Variants in SAMMSON observed in about 807,000 individuals in gnomAD.
SAMMSON encodes survival associated mitochondrial melanoma specific oncogenic non-coding RNA.
At chr3:70,418,380 G>T (rs1200240080) in intron 2 of SAMMSON, among the ~76,000 whole-genome samples, 1 of 152,068 alleles carries the variant, frequency 6.6e-6, no homozygotes, top group Non-Finnish European at 1.5e-5. Context: ...TTTTCCTAGG[G>T]TGGTCAGGTA....
At chr3:70,022,983 TA>T in intron 3 of SAMMSON, among the ~76,000 whole-genome samples, 1 of 152,330 alleles carries the variant, frequency 6.6e-6, no homozygotes, top group African/African-American at 2.4e-5. Context: ...AGACAATGGT[TA>T]GAAGAATTGG....
At chr3:70,376,292 A>G (rs1458349657) in intron 9 of SAMMSON, among the ~76,000 whole-genome samples, 2 of 152,214 alleles carry the variant, frequency 1.3e-5, no homozygotes, top group Non-Finnish European at 2.9e-5. Context: ...TCCTTCAACT[A>G]GTTGGTGATT....
At chr3:70,052,123 AAGAG>A (rs906712073) in intron 3 of SAMMSON, among the ~76,000 whole-genome samples, 21 of 152,224 alleles carry the variant, frequency 1.4e-4, no homozygotes, top group African/African-American at 4.1e-4. Context: ...AATAATAAAA[AAGAG>A]AGAGAATTTA....
intron 7 of SAMMSON, among the ~76,000 whole-genome samples, chr3:70,330,542 A>G (rs1419105033): frequency 2.0e-5 from 3 of 152,052 alleles, no homozygotes; most frequent in Non-Finnish European, 2.9e-5. Context: ...GAAAAACTCA[A>G]TATTTGCATA....
At chr3:70,205,750 A>G (rs943832334) in intron 4 of SAMMSON, 1 of 152,116 alleles carries the variant, frequency 6.6e-6, no homozygotes, top group African/African-American at 2.4e-5. Flanking sequence ...TTATTTTCAA[A>G]AAGTAAATAT....
intron 6 of SAMMSON, among the ~76,000 whole-genome samples, chr3:70,280,741 C>A (rs1036936565): frequency 6.6e-6 from 1 of 152,100 alleles, no homozygotes; most frequent in Non-Finnish European, 1.5e-5. Flanking sequence ...CTCTTAGTTT[C>A]CCCCGCCTTT....
At chr3:70,185,968 C>T (rs1396177676) in intron 4 of SAMMSON, among the ~76,000 whole-genome samples, 1 of 152,048 alleles carries the variant, frequency 6.6e-6, no homozygotes, top group South Asian at 2.1e-4. Context: ...CAAAGTGAGA[C>T]CTTGTCTCAA....
At chr3:70,321,008 T>C (rs1702534960) in intron 7 of SAMMSON, among the ~76,000 whole-genome samples, 1 of 152,026 alleles carries the variant, frequency 6.6e-6, no homozygotes, top group Non-Finnish European at 1.5e-5. Context: ...GAAAAAAACC[T>C]GGGCAAGTCA....
At chr3:70,399,104 T>C (rs1310085850) in intron 2 of SAMMSON, among the ~76,000 whole-genome samples, 1 of 152,174 alleles carries the variant, frequency 6.6e-6, no homozygotes, top group African/African-American at 2.4e-5. Flanking sequence ...AGAAATGTTT[T>C]TACTGGGAGT....
intron 8 of SAMMSON, among the ~76,000 whole-genome samples, chr3:70,356,790 T>G (rs1425305346): frequency 6.6e-6 from 1 of 152,164 alleles, no homozygotes; most frequent in Non-Finnish European, 1.5e-5. Context: ...CTTTCTAATT[T>G]GCTGTGGGCT....
intron 9 of SAMMSON, among the ~76,000 whole-genome samples, chr3:70,367,458 T>C (rs1021764073): frequency 2.0e-5 from 3 of 151,634 alleles, no homozygotes; most frequent in Non-Finnish European, 4.4e-5. Flanking sequence ...CTTCCACATA[T>C]GAGTGAGAAC....
intron 9 of SAMMSON, among the ~76,000 whole-genome samples, chr3:70,375,313 G>A (rs1319605525): frequency 6.6e-6 from 1 of 151,660 alleles, no homozygotes; most frequent in African/African-American, 2.4e-5. Context: ...TTTTTCAAAC[G>A]CTCAATAGTG....
intron 4 of SAMMSON, among the ~76,000 whole-genome samples, chr3:70,104,993 A>G (rs1428175166): frequency 2.0e-5 from 3 of 152,184 alleles, no homozygotes; most frequent in Non-Finnish European, 4.4e-5. Flanking sequence ...AGCAGTAAAA[A>G]AAATCAACAT....
chr3:70,379,022 TA>T (rs1703043966), intron 9 of SAMMSON, among the ~76,000 whole-genome samples: 1 of 147,606 alleles, frequency 6.8e-6, no homozygotes. Flanking sequence ...TTTATTTATT[TA>T]TTTATTTTAA....
At chr3:70,184,352 T>C (rs1576146807) in intron 4 of SAMMSON, 1 of 152,214 alleles carries the variant, frequency 6.6e-6, no homozygotes, top group African/African-American at 2.4e-5. Context: ...GAAGGGATAA[T>C]ACTATACCAC....
intron 3 of SAMMSON, among the ~76,000 whole-genome samples, chr3:70,029,254 C>A (rs1368170901): frequency 6.6e-6 from 1 of 150,594 alleles, no homozygotes; most frequent in Non-Finnish European, 1.5e-5. Flanking sequence ...AAGAGTAATT[C>A]TCTCCTCTTT....
rs1488078092 is a variant in SAMMSON, at chr3:70,224,774, C to T, written n.508-24333C>T. 4.0e-5 allele frequency among the ~76,000 whole-genome samples: 6 copies of T among 151,868 alleles called. No homozygotes were observed. In the South Asian group the frequency reaches 8.3e-4, roughly 21 times the overall value. On this transcript the variant is annotated intron_variant and non_coding_transcript_variant, in intron 4 of 9. Transcript: ENST00000642114. ...CGGCAAAATGCTATTTCCAATTTTG[C>T]GCTCTATTAAAACATTGCAGTTGAT...
At chr3:70,025,537 C>T (rs1311714464) in intron 3 of SAMMSON, among the ~76,000 whole-genome samples, 1 of 152,222 alleles carries the variant, frequency 6.6e-6, no homozygotes, top group Admixed American at 6.5e-5. Context: ...GCCACCGTGC[C>T]TAGCCTGTTT....
intron 3 of SAMMSON, among the ~76,000 whole-genome samples, chr3:70,037,842 A>G (rs575848319): frequency 2.0e-5 from 3 of 152,288 alleles, no homozygotes; most frequent in South Asian, 2.1e-4. Flanking sequence ...CTATTTTTAA[A>G]TCTTACGTGG....
Sources: allele counts gnomAD v4.1 joint callset (sites outside exome capture counted in the v4.1 genomes callset), GRCh38; gene constraint gnomAD v4.1.1; transcripts MANE v1.5; gene names NCBI Gene and HGNC (gene_info 2026-07-23, HGNC 2026-07-21).